FARS2: variants seen among roughly 807,000 people sequenced by gnomAD.
The protein encoded by FARS2 is phenylalanine--tRNA ligase, mitochondrial.
A neutral mutation model predicts 46.4 loss-of-function variants in FARS2; 40 were observed. The ratio of observed to expected loss-of-function variants is 0.86; its 90% CI spans 0.67 to 1.12. The LOEUF is 1.12. FARS2 is among the 50% of genes most tolerant of loss of function. The pLI is 0.00. For missense variants in FARS2, 513 were observed against 567.9 expected, an observed-to-expected ratio of 0.90 and a Z score of 0.98; for synonymous variants, 234 against 214.9, an observed-to-expected ratio of 1.09 and a Z score of -0.78.
At chr6:5,265,531 AATC>A (rs1183108345) in intron 1 of FARS2, among the ~76,000 whole-genome samples, 1 of 152,200 alleles carries the variant, frequency 6.6e-6, no homozygotes, top group African/African-American at 2.4e-5. Flanking sequence ...TTTTGTTTCA[AATC>A]ATGACTTTGA....
intron 4 of FARS2, among the ~76,000 whole-genome samples, chr6:5,515,364 A>G (rs1768723634): frequency 6.6e-6 from 1 of 152,212 alleles, no homozygotes; most frequent in Non-Finnish European, 1.5e-5. Flanking sequence ...TAGTCATTTC[A>G]TGGGGATATT....
Position 5,288,663 on chromosome 6 carries a change from A to G in FARS2, c.-22+27003A>G, listed in dbSNP as rs371725418. 6.6e-5 allele frequency among the ~76,000 whole-genome samples: 10 copies of G among 152,308 alleles called. No homozygotes were observed. In the South Asian group the frequency reaches 1.7e-3, roughly 25 times the overall value. On this transcript the variant is annotated intron_variant, in intron 1 of 6. Coordinates refer to ENST00000274680, the MANE Select transcript of FARS2 (RefSeq NM_006567.5). ...GCACTGTTGTAGGTGCTGGCAGTATATGGAGGTGCGGACTGGGGACAAAAT... is the reference window on the plus strand; with the variant it reads ...GCACTGTTGTAGGTGCTGGCAGTATGTGGAGGTGCGGACTGGGGACAAAAT...
chr6:5,254,612 C>T, the FARS2 span, among the ~76,000 whole-genome samples: 2 of 152,088 alleles, frequency 1.3e-5, no homozygotes, highest in East Asian at 1.9e-4. Flanking sequence ...TGATATGTGC[C>T]CTAACAAAGG....
At chr6:5,745,902 CAG>C (rs1761608406) in intron 6 of FARS2, among the ~76,000 whole-genome samples, 2 of 152,148 alleles carry the variant, frequency 1.3e-5, no homozygotes, top group African/African-American at 2.4e-5. Flanking sequence ...CTGTGTGGTA[CAG>C]AGTCGGAGGA....
chr6:5,308,160 G>C (rs1401016548), intron 1 of FARS2, among the ~76,000 whole-genome samples: 2 of 151,980 alleles, frequency 1.3e-5, no homozygotes, highest in African/African-American at 4.8e-5. Flanking sequence ...ACATGCAAAG[G>C]CCTCAAGGCA....
intron 6 of FARS2, among the ~76,000 whole-genome samples, chr6:5,616,329 A>T (rs1297769044): frequency 6.6e-6 from 1 of 152,210 alleles, no homozygotes; most frequent in Non-Finnish European, 1.5e-5. Flanking sequence ...CTAGAAGTCT[A>T]GTTATTTACA....
chr6:5,381,913 T>G (rs941583709), intron 2 of FARS2, among the ~76,000 whole-genome samples: 1 of 152,148 alleles, frequency 6.6e-6, no homozygotes, highest in Non-Finnish European at 1.5e-5. Flanking sequence ...GCTGGGAGCA[T>G]TCCTAAGTTG....
rs180774877 is a variant in FARS2 at position 5,693,579 on chromosome 6, T to C, written c.1218-77712T>C. On this transcript the variant is annotated intron_variant, in intron 6 of 6. Coordinates refer to ENST00000274680, the MANE Select transcript of FARS2 (RefSeq NM_006567.5). ...CCTAGAGTAAAAATCTGGTTATCTA[T>C]TGCCATGTAACAAACTGCCTCAAAA... Among the ~76,000 whole-genome samples, 156 of 152,362 alleles carry C rather than the reference T, an allele frequency of 1.0e-3. 1 individual carries two copies. Among genetic ancestry groups the C allele is most frequent in the African/African-American group, 3.6e-3 (149 of 41,594 alleles).
At chr6:5,285,671 G>A (rs1767056384) in intron 1 of FARS2, among the ~76,000 whole-genome samples, 1 of 152,164 alleles carries the variant, frequency 6.6e-6, no homozygotes, top group Admixed American at 6.5e-5. Context: ...CAGCTTTAGG[G>A]CAGGTAGAGA....
At chr6:5,466,614 T>G (rs901644651) in intron 4 of FARS2, 106 of 985,336 alleles carry the variant, frequency 1.1e-4, no homozygotes, top group Non-Finnish European at 1.2e-4. Context: ...ATGGTCCTGA[T>G]GGCACCCAGC....
At chr6:5,720,884 C>G (rs554179116) in intron 6 of FARS2, among the ~76,000 whole-genome samples, 3 of 151,628 alleles carry the variant, frequency 2.0e-5, no homozygotes, top group African/African-American at 7.3e-5. Context: ...CCCATCACTA[C>G]AAAAAAAAAT....
At chr6:5,594,726 G>A (rs1214167005) in intron 5 of FARS2, among the ~76,000 whole-genome samples, 1 of 152,190 alleles carries the variant, frequency 6.6e-6, no homozygotes, top group East Asian at 1.9e-4. Context: ...AGCCAAGCAG[G>A]TGTCTCTGAG....
chr6:5,404,616 GAC>G lies in FARS2; in HGVS notation c.694_695del (p.Thr232HisfsTer10). 6.2e-7 allele frequency: 1 copy of G among 1,613,418 alleles called. No homozygotes were observed. The highest frequency in any genetic ancestry group is 8.5e-7 in the Non-Finnish European group (1 of 1,179,564). On this transcript the variant is annotated frameshift_variant, in exon 3 of 7. Coordinates refer to ENST00000274680, the MANE Select transcript of FARS2 (RefSeq NM_006567.5). LOFTEE classifies it high-confidence loss of function. ...GTTCTCGCTCTGCGCATAAACAAGA[GAC>G]ACACACCATGGAGGCCGTGAAGCTT... ...QSSRSAHKQE[T>X]HTMEAVKLVE...
At chr6:5,389,340 C>T (rs1214969072) in intron 2 of FARS2, among the ~76,000 whole-genome samples, 3 of 152,092 alleles carry the variant, frequency 2.0e-5, no homozygotes, top group Admixed American at 6.5e-5. Flanking sequence ...TCTCTTGTGT[C>T]CTGTCTCTCT....
chr6:5,550,589 C>A (rs1432644811), intron 5 of FARS2, among the ~76,000 whole-genome samples: 1 of 152,152 alleles, frequency 6.6e-6, no homozygotes, highest in Non-Finnish European at 1.5e-5. Context: ...TTAAGGGTGG[C>A]ATGTATATGC....
At chr6:5,542,647 G>A (rs1770704962) in intron 4 of FARS2, among the ~76,000 whole-genome samples, 1 of 152,118 alleles carries the variant, frequency 6.6e-6, no homozygotes, top group Admixed American at 6.5e-5. Flanking sequence ...ATGTCCCCTG[G>A]TGGTTAAGAT....
At chr6:5,286,076 T>C (rs1441153760) in intron 1 of FARS2, among the ~76,000 whole-genome samples, 1 of 152,178 alleles carries the variant, frequency 6.6e-6, no homozygotes, top group African/African-American at 2.4e-5. Context: ...CCTTTTTCGC[T>C]CATCTTCTAA....
chr6:5,416,191 T>C (rs768712821), intron 3 of FARS2, among the ~76,000 whole-genome samples: 2 of 152,240 alleles, frequency 1.3e-5, no homozygotes, highest in Non-Finnish European at 2.9e-5. Flanking sequence ...GCTTTTGATA[T>C]TGTTTCTCGG....
At chr6:5,341,235 ATTTTTTT>A (rs70974193) in intron 1 of FARS2, among the ~76,000 whole-genome samples, 1 of 10,274 alleles carries the variant, frequency 9.7e-5, no homozygotes, top group African/African-American at 2.6e-4. Context: ...ATATATATAT[ATTTTTTT>A]TTTTTTTTTT....
Sources: allele counts gnomAD v4.1 joint callset (sites outside exome capture counted in the v4.1 genomes callset), GRCh38; gene constraint gnomAD v4.1.1; transcripts MANE v1.5; gene names NCBI Gene and HGNC (gene_info 2026-07-23, HGNC 2026-07-21).